ADGRL2: variants seen among roughly 807,000 people sequenced by gnomAD.
ADGRL2 encodes the protein calcium-independent alpha-latrotoxin receptor 2.
ADGRL2 carries 44 observed loss-of-function variants against 157.4 expected under a neutral mutation model. The ratio of observed to expected loss-of-function variants is 0.28; its 90% CI spans 0.22 to 0.36. The LOEUF (loss-of-function observed/expected upper bound fraction) is 0.36. Ranked by LOEUF, ADGRL2 falls within the 10% of genes least tolerant of loss-of-function variation. The probability of loss-of-function intolerance (pLI) is 1.00; values close to 1 mark genes in which losing one functional copy is unlikely to be tolerated. For missense variants in ADGRL2, 1,510 were observed against 1,768.9 expected (o/e 0.85, Z 2.63); for synonymous variants, 585 against 624.7 (o/e 0.94, Z 0.95).
chr1:81,825,583 G>T (rs1043960085), intron 1 of ADGRL2, among the ~76,000 whole-genome samples: 1 of 144,894 alleles, frequency 6.9e-6, no homozygotes, highest in Admixed American at 7.2e-5. Context: ...CTTACCTTGT[G>T]ATCTGCCCAT....
intron 2 of ADGRL2, among the ~76,000 whole-genome samples, chr1:81,471,485 CATT>C (rs1477850578): frequency 3.3e-5 from 5 of 152,120 alleles, no homozygotes; most frequent in African/African-American, 1.2e-4. Flanking sequence ...AATAAGGACT[CATT>C]AGTATCCTAT....
At chr1:81,714,356 C>T (rs1421492469) in intron 1 of ADGRL2, among the ~76,000 whole-genome samples, 1 of 152,110 alleles carries the variant, frequency 6.6e-6, no homozygotes, top group African/African-American at 2.4e-5. Flanking sequence ...CACTATTAGG[C>T]AAAGATAGAG....
intron 3 of ADGRL2, among the ~76,000 whole-genome samples, chr1:81,664,867 CTT>C (rs1382330023): frequency 2.0e-5 from 3 of 152,006 alleles, no homozygotes; most frequent in Non-Finnish European, 4.4e-5. Flanking sequence ...CTGAAACTGA[CTT>C]AATACGTGTG....
intron 2 of ADGRL2, among the ~76,000 whole-genome samples, chr1:81,521,267 A>G (rs1374151770): frequency 1.3e-5 from 2 of 152,208 alleles, no homozygotes; most frequent in East Asian, 1.9e-4. Flanking sequence ...TATACTATAT[A>G]GTGATGTGGA....
chr1:81,609,990 A>C (rs189198018), intron 3 of ADGRL2, among the ~76,000 whole-genome samples: 1 of 152,232 alleles, frequency 6.6e-6, no homozygotes, highest in African/African-American at 2.4e-5. Context: ...AGAGACAAAG[A>C]TAGCTGAAGT....
At chr1:81,664,391 C>T (rs1362910189) in intron 3 of ADGRL2, among the ~76,000 whole-genome samples, 1 of 151,952 alleles carries the variant, frequency 6.6e-6, no homozygotes, top group Admixed American at 6.6e-5. Context: ...TTTTAAAAGC[C>T]CAAGTAGAGA....
chr1:81,989,101 G>T, intron 23 of ADGRL2, among the ~76,000 whole-genome samples: 1 of 151,404 alleles, frequency 6.6e-6, no homozygotes, highest in Admixed American at 6.6e-5. Flanking sequence ...TGATGTCTTA[G>T]TTTACATGTT....
intron 1 of ADGRL2, among the ~76,000 whole-genome samples, chr1:81,347,411 T>A (rs72713428): frequency 0.15 from 23,020 of 151,464 alleles, 2,073 homozygotes; most frequent in Admixed American, 0.23. Context: ...AAAAAAAAAA[T>A]TTCTGGTGAG....
chr1:81,727,294 A>G (rs1339699234), intron 1 of ADGRL2, among the ~76,000 whole-genome samples: 1 of 152,226 alleles, frequency 6.6e-6, no homozygotes, highest in Non-Finnish European at 1.5e-5. Context: ...TAATTAGTGG[A>G]AAATAAAAAT....
chr1:81,313,908 G>T (rs956880905), intron 1 of ADGRL2, among the ~76,000 whole-genome samples: 3 of 151,946 alleles, frequency 2.0e-5, no homozygotes, highest in African/African-American at 7.3e-5. Flanking sequence ...ATCTAGTATT[G>T]ATATTTCTCT....
chr1:81,376,791 G>A (rs1480847776), intron 1 of ADGRL2, among the ~76,000 whole-genome samples: 2 of 152,134 alleles, frequency 1.3e-5, no homozygotes, highest in African/African-American at 4.8e-5. Context: ...GATTGAATAT[G>A]GGCCAAGACT....
intron 10 of ADGRL2, among the ~76,000 whole-genome samples, chr1:81,954,966 ATAGAG>A (rs1653013561): frequency 6.6e-6 from 1 of 152,210 alleles, no homozygotes; most frequent in South Asian, 2.1e-4. Context: ...GGTGAATGGA[ATAGAG>A]TAAATAAACT....
chr1:81,884,979 G>A (rs968925084), intron 2 of ADGRL2, among the ~76,000 whole-genome samples: 1 of 152,132 alleles, frequency 6.6e-6, no homozygotes, highest in African/African-American at 2.4e-5. Context: ...AATTATGTTG[G>A]AAAACAAGTG....
chr1:81,586,914 T>C (rs1282506619), intron 3 of ADGRL2, among the ~76,000 whole-genome samples: 1 of 152,012 alleles, frequency 6.6e-6, no homozygotes, highest in Non-Finnish European at 1.5e-5. Context: ...TGTATTTGAG[T>C]GCATAGAGGG....
chr1:81,843,146 T>C (rs1474037478), intron 2 of ADGRL2, among the ~76,000 whole-genome samples: 2 of 152,154 alleles, frequency 1.3e-5, no homozygotes, highest in Non-Finnish European at 1.5e-5. Context: ...CTATTATTAT[T>C]TTTTGAGATG....
At chr1:81,845,240 T>A (rs528286003) in intron 2 of ADGRL2, among the ~76,000 whole-genome samples, 145 of 152,254 alleles carry the variant, frequency 9.5e-4, no homozygotes, top group African/African-American at 3.4e-3. Flanking sequence ...TAATACAAAT[T>A]ATTTAATCCT....
chr1:81,474,133 T>C (rs2078226539), intron 2 of ADGRL2, among the ~76,000 whole-genome samples: 1 of 152,234 alleles, frequency 6.6e-6, no homozygotes. Context: ...TCGAATTGGA[T>C]ATGAAATGAA....
chr1:81,591,836 C>A (rs927605486), intron 3 of ADGRL2, among the ~76,000 whole-genome samples: 3 of 152,118 alleles, frequency 2.0e-5, no homozygotes, highest in African/African-American at 7.2e-5. Context: ...ATCCTGTCAA[C>A]AATCACGTAA....
intron 3 of ADGRL2, among the ~76,000 whole-genome samples, chr1:81,636,771 A>G (rs2082122747): frequency 6.6e-6 from 1 of 152,320 alleles, no homozygotes; most frequent in South Asian, 2.1e-4. Context: ...ATTTTCATAT[A>G]CCAAAGAAAA....
Sources: gnomAD v4.1 joint callset for allele counts (sites outside exome capture counted in the v4.1 genomes callset) on GRCh38, gnomAD v4.1.1 for gene constraint, MANE v1.5 for transcripts, NCBI Gene and HGNC (gene_info 2026-07-23, HGNC 2026-07-21) for gene names.